Variants in IL1RAPL1 observed in about 807,000 individuals in gnomAD.
IL1RAPL1 encodes interleukin-1 receptor accessory protein-like 1.
In IL1RAPL1, 3 loss-of-function variants were observed where a neutral mutation model predicts 48.4. The ratio of observed to expected loss-of-function variants is 0.06; its 90% CI spans 0.03 to 0.16. IL1RAPL1 has a LOEUF of 0.16. Ranked by LOEUF, IL1RAPL1 falls within the 10% of genes least tolerant of loss-of-function variation. The probability of loss-of-function intolerance (pLI) is 1.00; values close to 1 mark genes in which losing one functional copy is unlikely to be tolerated. For synonymous variants in IL1RAPL1, 185 were observed against 187.7 expected, an observed-to-expected ratio of 0.99 and a Z score of 0.12; for missense variants, 349 against 530.6, an observed-to-expected ratio of 0.66 and a Z score of 3.36.
chrX:29,856,065 C>T (rs1268107124), intron 6 of IL1RAPL1, among the ~76,000 whole-genome samples: 1 of 112,007 alleles, frequency 8.9e-6, no homozygotes, highest in Non-Finnish European at 1.9e-5. Context: ...ATACCATGCA[C>T]CATTTCCATA....
intron 6 of IL1RAPL1, among the ~76,000 whole-genome samples, chrX:29,677,683 C>T (rs7050086): frequency 0.024 from 2,649 of 111,732 alleles, 76 homozygotes; most frequent in African/African-American, 0.081. Flanking sequence ...CATGTGTGAC[C>T]TCCCGTTGTT....
At chrX:28,812,900 C>T (rs1350192784) in intron 2 of IL1RAPL1, among the ~76,000 whole-genome samples, 1 of 110,492 alleles carries the variant, frequency 9.1e-6, no homozygotes, top group African/African-American at 3.3e-5. Flanking sequence ...CTTGACATCA[C>T]CCAGGGCCCT....
At chrX:29,498,415 T>C (rs1935236803) in intron 5 of IL1RAPL1, among the ~76,000 whole-genome samples, 1 of 111,966 alleles carries the variant, frequency 8.9e-6, no homozygotes, top group Non-Finnish European at 1.9e-5. Flanking sequence ...CCCTCTTCAT[T>C]GTCTCTTACT....
At chrX:28,805,536 G>A (rs2147273279) in intron 2 of IL1RAPL1, among the ~76,000 whole-genome samples, 1 of 111,087 alleles carries the variant, frequency 9.0e-6, no homozygotes, top group African/African-American at 3.3e-5. Flanking sequence ...TCTCAGTGAA[G>A]AACTTCAAGT....
chrX:29,314,953 C>T (rs1932763091), intron 3 of IL1RAPL1, among the ~76,000 whole-genome samples: 2 of 111,858 alleles, frequency 1.8e-5, no homozygotes, highest in Non-Finnish European at 3.8e-5. Context: ...TACCCTATTA[C>T]TGGAGACTGT....
At chrX:29,487,077 GC>G (rs1188775768) in intron 5 of IL1RAPL1, among the ~76,000 whole-genome samples, 1 of 110,970 alleles carries the variant, frequency 9.0e-6, no homozygotes, top group African/African-American at 3.3e-5. Flanking sequence ...CAATAATTAG[GC>G]CTGTTATTTT....
intron 5 of IL1RAPL1, among the ~76,000 whole-genome samples, chrX:29,622,666 C>A (rs1924496462): frequency 9.0e-6 from 1 of 111,308 alleles, no homozygotes; most frequent in South Asian, 3.8e-4. Flanking sequence ...TTAGATAACC[C>A]AAGACCACTA....
intron 8 of IL1RAPL1, among the ~76,000 whole-genome samples, chrX:29,940,141 G>A (rs1003896949): frequency 3.6e-5 from 4 of 111,309 alleles, no homozygotes; most frequent in African/African-American, 1.3e-4. Flanking sequence ...GGGATTACAT[G>A]TGTGAGCCAC....
Position 29,788,828 on chromosome X carries a change from C to G in IL1RAPL1, c.778+120324C>G, listed in dbSNP as rs969206243. Reference sequence around the variant, plus strand: ...AATACTTAAATGGTCAAACCAAAATCTTTATCAGAAATCACTGGTACTTTC... The same window carrying G: ...AATACTTAAATGGTCAAACCAAAATGTTTATCAGAAATCACTGGTACTTTC... On this transcript the variant is annotated intron_variant, in intron 6 of 10. Transcript: ENST00000378993. Among the ~76,000 whole-genome samples the G allele has an allele frequency of 3.6e-5, 4 of 111,801 alleles. No individual in the cohort carries two copies. In the Admixed American group the frequency reaches 3.8e-4, roughly 11 times the overall value.
intron 5 of IL1RAPL1, among the ~76,000 whole-genome samples, chrX:29,624,823 G>T (rs1279542227): frequency 9.0e-6 from 1 of 111,318 alleles, no homozygotes; most frequent in African/African-American, 3.3e-5. Context: ...CTCCAGCCTG[G>T]GCAGCAGAGT....
At chrX:29,836,431 C>G (rs746846589) in intron 6 of IL1RAPL1, among the ~76,000 whole-genome samples, 1 of 111,215 alleles carries the variant, frequency 9.0e-6, no homozygotes, top group Non-Finnish European at 1.9e-5. Context: ...CCTTGTCATC[C>G]GCCCGCCTTG....
intron 1 of IL1RAPL1, among the ~76,000 whole-genome samples, chrX:28,641,530 T>G (rs1444751367): frequency 9.0e-6 from 1 of 111,628 alleles, no homozygotes; most frequent in African/African-American, 3.3e-5. Context: ...AATAAACATA[T>G]GTGTGTAAGT....
At chrX:29,407,131 C>A (rs1025774108) in intron 5 of IL1RAPL1, among the ~76,000 whole-genome samples, 1 of 111,119 alleles carries the variant, frequency 9.0e-6, no homozygotes, top group African/African-American at 3.3e-5. Flanking sequence ...AAAATGTAAA[C>A]AAGTAGCTGC....
chrX:29,536,330 T>C (rs1289033472), intron 5 of IL1RAPL1, among the ~76,000 whole-genome samples: 2 of 111,814 alleles, frequency 1.8e-5, no homozygotes, highest in Non-Finnish European at 3.8e-5. Flanking sequence ...ATTCATGACA[T>C]GTCTACTCCA....
At chrX:28,977,575 G>A (rs1005978751) in intron 2 of IL1RAPL1, among the ~76,000 whole-genome samples, 10 of 112,567 alleles carry the variant, frequency 8.9e-5, no homozygotes, top group Non-Finnish European at 1.9e-4. Context: ...TGAGGACACA[G>A]ATCCAAACCA....
chrX:28,783,073 T>C (rs1490685643), intron 1 of IL1RAPL1, among the ~76,000 whole-genome samples: 2 of 111,492 alleles, frequency 1.8e-5, no homozygotes, highest in Non-Finnish European at 3.8e-5. Context: ...AACCCTTTCC[T>C]TACCAGATTC....
intron 2 of IL1RAPL1, among the ~76,000 whole-genome samples, chrX:28,792,842 TATATATATAA>T (rs1490048788): frequency 0.019 from 1,157 of 61,031 alleles, 48 homozygotes; most frequent in African/African-American, 0.037. Flanking sequence ...TATATATATA[TATATATATAA>T]AAAATAAGGC....
chrX:28,981,756 G>A (rs1925347322), intron 2 of IL1RAPL1, among the ~76,000 whole-genome samples: 1 of 111,349 alleles, frequency 9.0e-6, no homozygotes, highest in Non-Finnish European at 1.9e-5. Flanking sequence ...TGGCATTCAC[G>A]GCAGTTAGGA....
At chrX:29,153,864 A>T (rs1929514695) in intron 2 of IL1RAPL1, among the ~76,000 whole-genome samples, 1 of 112,263 alleles carries the variant, frequency 8.9e-6, no homozygotes, top group Non-Finnish European at 1.9e-5. Context: ...GTCCTTACAA[A>T]ATAATTCAAT....
Sources: allele counts gnomAD v4.1 joint callset (sites outside exome capture counted in the v4.1 genomes callset), GRCh38; gene constraint gnomAD v4.1.1; transcripts MANE v1.5; gene names NCBI Gene and HGNC (gene_info 2026-07-23, HGNC 2026-07-21).